The following LPP variants were observed in gnomAD, a reference collection of about 807,000 sequenced individuals.
LPP encodes the protein LIM domain containing preferred translocation partner in lipoma.
LPP carries 38 observed loss-of-function variants against 60.4 expected under a neutral mutation model. That is an observed-to-expected ratio of 0.63 (90% CI 0.49 to 0.83). LPP has a LOEUF of 0.83. Among genes scored for constraint, LPP ranks in the 40% least tolerant of loss-of-function variants. The pLI, the probability that LPP is intolerant of heterozygous loss-of-function variation, is 0.00. For synonymous variants in LPP, 328 were observed against 290.8 expected, an observed-to-expected ratio of 1.13 and a Z score of -1.30; for missense variants, 902 against 783.6, an observed-to-expected ratio of 1.15 and a Z score of -1.80.
chr3:188,320,760 C>T (rs1756698297), intron 2 of LPP, among the ~76,000 whole-genome samples: 1 of 152,158 alleles, frequency 6.6e-6, no homozygotes, highest in East Asian at 1.9e-4. Flanking sequence ...TGCACTGATG[C>T]ATCGTACTTA....
chr3:188,645,918 G>T (rs1851029611), intron 7 of LPP, among the ~76,000 whole-genome samples: 1 of 151,664 alleles, frequency 6.6e-6, no homozygotes, highest in Admixed American at 6.6e-5. Context: ...TTAGGTAAAA[G>T]TAGAATTCTG....
intron 7 of LPP, among the ~76,000 whole-genome samples, chr3:188,681,613 A>C (rs1859533221): frequency 6.6e-6 from 1 of 152,156 alleles, no homozygotes; most frequent in African/African-American, 2.4e-5. Flanking sequence ...ACCATGATGC[A>C]CTTCTCAAAG....
rs1166379137 is a variant in LPP, at chr3:188,889,988, T to C, written c.*15509T>C. On this transcript the variant is annotated 3_prime_UTR_variant, in exon 12 of 12. Transcript: ENST00000617246. Reference sequence around the variant, plus strand: ...TAAGGATGTTGGGATACAGAGATTTTTTTTTTCCTTGGAAACAAATGGACT... The same window carrying C: ...TAAGGATGTTGGGATACAGAGATTTCTTTTTTCCTTGGAAACAAATGGACT... 2 of 212,784 alleles carry C rather than the reference T, an allele frequency of 9.4e-6. No homozygotes were observed. The highest frequency in any genetic ancestry group is 1.9e-5 in the Non-Finnish European group (2 of 105,258). 13.2% of individuals were successfully genotyped at this position (212,784 alleles called of 1,614,324 possible).
intron 6 of LPP, among the ~76,000 whole-genome samples, chr3:188,575,641 A>G (rs1201311062): frequency 6.6e-6 from 1 of 152,142 alleles, no homozygotes; most frequent in Non-Finnish European, 1.5e-5. Context: ...TCAAACCCTT[A>G]GTCTTTGTGC....
At chr3:188,468,105 G>T (rs1351202930) in intron 4 of LPP, among the ~76,000 whole-genome samples, 17 of 152,036 alleles carry the variant, frequency 1.1e-4, no homozygotes, top group Admixed American at 1.0e-3. Context: ...AAAAGAATAC[G>T]AAATGTCCTG....
intron 7 of LPP, among the ~76,000 whole-genome samples, chr3:188,643,057 C>T (rs751488157): frequency 2.6e-5 from 4 of 151,876 alleles, no homozygotes; most frequent in South Asian, 2.1e-4. Flanking sequence ...CAAGAAGAAG[C>T]GAGTTTGAGA....
intron 1 of LPP, among the ~76,000 whole-genome samples, chr3:188,174,571 G>T (rs1722538313): frequency 6.6e-6 from 1 of 152,174 alleles, no homozygotes; most frequent in Non-Finnish European, 1.5e-5. Context: ...TAGCTGGGAG[G>T]CTGGGTGAAG....
chr3:188,279,651 G>A (rs1463561989), intron 2 of LPP, among the ~76,000 whole-genome samples: 2 of 152,130 alleles, frequency 1.3e-5, no homozygotes, highest in Admixed American at 6.6e-5. Flanking sequence ...GTATCTTCTG[G>A]GTGTTGTAGA....
At chr3:188,558,703 C>T (rs1579946165) in intron 6 of LPP, among the ~76,000 whole-genome samples, 1 of 152,036 alleles carries the variant, frequency 6.6e-6, no homozygotes, top group East Asian at 1.9e-4. Flanking sequence ...ATAGCATTAC[C>T]ATGACTGACA....
intron 1 of LPP, among the ~76,000 whole-genome samples, chr3:188,220,457 C>G (rs1436869618): frequency 2.6e-5 from 4 of 152,170 alleles, no homozygotes; most frequent in Admixed American, 2.6e-4. Flanking sequence ...TACAAAGTTT[C>G]CTTTAAGGGA....
chr3:188,246,232 A>C (rs900168121), intron 2 of LPP, among the ~76,000 whole-genome samples: 1 of 152,140 alleles, frequency 6.6e-6, no homozygotes, highest in African/African-American at 2.4e-5. Context: ...GTACCTGAGA[A>C]CATTGGGATC....
rs1363131277 is a variant in LPP at position 188,265,561 on chromosome 3, C to T, written c.-67+40034C>T. ...GAACGCTGTGAGAAGGCAAGGTGTT[C>T]TGTTTGTGCCATTGGGGAGGGCTTT... On this transcript the variant is annotated intron_variant, in intron 2 of 11. Coordinates refer to ENST00000617246, the MANE Select transcript of LPP (RefSeq NM_001375462.1). Among the ~76,000 whole-genome samples the T allele has an allele frequency of 3.9e-5, 6 of 152,116 alleles. No individual in the cohort carries two copies. In the East Asian group the frequency reaches 1.2e-3, roughly 29 times the overall value.
intron 10 of LPP, among the ~76,000 whole-genome samples, chr3:188,868,335 C>T (rs1389834164): frequency 1.3e-5 from 2 of 152,106 alleles, no homozygotes; most frequent in African/African-American, 4.8e-5. Context: ...ATATCTATGC[C>T]ATTTATCTTT....
intron 2 of LPP, among the ~76,000 whole-genome samples, chr3:188,236,096 GA>G (rs1721821858): frequency 6.6e-6 from 1 of 151,998 alleles, no homozygotes; most frequent in Non-Finnish European, 1.5e-5. Flanking sequence ...AAAAAAGACA[GA>G]AAAATTAATG....
At position 188,613,294 on chromosome 3, in the gene LPP, A is replaced by ATATCTATATC. The variant is rs1553944233; in HGVS notation, c.1113+3454_1113+3463dup. ...TATATCTATATCTATATCTATATCT[A>ATATCTATATC]TATCTATATCTATATCTATATATAT... is the stretch of plus-strand genomic sequence containing the variant. On this transcript the variant is annotated intron_variant, in intron 7 of 11. Coordinates refer to ENST00000617246, the MANE Select transcript of LPP (RefSeq NM_001375462.1). Among the ~76,000 whole-genome samples the ATATCTATATC allele has an allele frequency of 7.8e-5, 11 of 141,836 alleles. No homozygotes were observed. The South Asian group carries it at 1.8e-3, about 23-fold the overall frequency. The allele number at this position is 141,836 out of a possible 152,430, so 93.0% of individuals were successfully genotyped here.
rs569442756 is a variant in LPP, at chr3:188,680,558, C to T, written c.1114-27709C>T. Reference sequence around the variant, plus strand: ...GTGGGAGAACATTTTTTTACTACCCCACCTTACCCTCAAATCAGTAGCAGA... The same window carrying T: ...GTGGGAGAACATTTTTTTACTACCCTACCTTACCCTCAAATCAGTAGCAGA... On this transcript the variant is annotated intron_variant, in intron 7 of 11. Coordinates refer to ENST00000617246, the MANE Select transcript of LPP (RefSeq NM_001375462.1). Among the ~76,000 whole-genome samples the T allele has an allele frequency of 2.6e-5, 4 of 152,250 alleles. No individual in the cohort carries two copies. In the East Asian group the frequency reaches 7.7e-4, roughly 29 times the overall value.
In LPP at chr3:188,406,147, C is replaced by T. The variant is rs559553472; in HGVS notation, c.27C>T (p.Pro9=). The part of the protein sequence containing the change: MSHPSWLP[P]KSTGEPLGHV... ...TGTCTCACCCATCTTGGCTGCCACC[C>T]AAAAGCACTGGTGAGCCCCTCGGCC... is the stretch of plus-strand genomic sequence containing the variant. The change falls in exon 4 of 12, where the codon CCC becomes CCT. Residue 9 remains proline (P), a synonymous_variant. Transcript: ENST00000617246. The T allele has an allele frequency of 1.2e-6, 2 of 1,613,392 alleles. No individual in the cohort carries two copies. Among genetic ancestry groups the T allele is most frequent in the East Asian group, 2.2e-5 (1 of 44,868 alleles).
chr3:188,292,575 A>C lies in LPP; in HGVS notation c.-66-49088A>C, dbSNP rs1029100919. Among the ~76,000 whole-genome samples, 5 of 152,330 alleles carry C rather than the reference A, an allele frequency of 3.3e-5. No homozygotes were observed. In the East Asian group the frequency reaches 9.6e-4, roughly 29 times the overall value. On this transcript the variant is annotated intron_variant, in intron 2 of 11. Transcript: ENST00000617246. ...TATACTTGCTTGGGAGGTGGGAAGG[A>C]TTGAATTCTCTTTGGAAAATGCCTT...
rs868330124 is a variant in LPP at position 188,204,734 on chromosome 3, T to G, written c.-189-20671T>G. Among the ~76,000 whole-genome samples, 32 of 152,258 alleles carry G rather than the reference T, an allele frequency of 2.1e-4. 1 individual carries two copies. The highest frequency in any genetic ancestry group is 1.2e-3 in the South Asian group (6 of 4,826). ...TTGATGTGGAAGTCAGGAGTGAGGA[T>G]GCCAAGTTTCACACTTCTTCCTGTG... On this transcript the variant is annotated intron_variant, in intron 1 of 11. Coordinates refer to ENST00000617246, the MANE Select transcript of LPP (RefSeq NM_001375462.1).
Sources: allele counts gnomAD v4.1 joint callset (sites outside exome capture counted in the v4.1 genomes callset), GRCh38; gene constraint gnomAD v4.1.1; transcripts MANE v1.5; gene names NCBI Gene and HGNC (gene_info 2026-07-23, HGNC 2026-07-21).